Variants in TAFA5 observed in about 807,000 individuals in gnomAD.
TAFA5 encodes chemokine-like protein TAFA-5.
In TAFA5, 6 loss-of-function variants were observed where a neutral mutation model predicts 15.3. That is an observed-to-expected ratio of 0.39 (90% CI 0.21 to 0.77). The LOEUF (loss-of-function observed/expected upper bound fraction) is 0.77, where lower values mean the gene tolerates loss of function less well. Among genes scored for constraint, TAFA5 ranks in the 30% least tolerant of loss-of-function variants. The pLI is 0.41. For missense variants in TAFA5, 161 were observed against 193.1 expected (o/e 0.83, Z 0.98); for synonymous variants, 103 against 80.7 (o/e 1.28, Z -1.48).
chr22:48,547,957 C>T (rs756774327), intron 1 of TAFA5, among the ~76,000 whole-genome samples: 2 of 152,204 alleles, frequency 1.3e-5, no homozygotes, highest in Non-Finnish European at 2.9e-5. Context: ...AGAACCTACC[C>T]TCGAGCCCTG....
At position 48,564,259 on chromosome 22, in the gene TAFA5, C is replaced by T. The variant is rs192404093; in HGVS notation, c.112+74555C>T. On this transcript the variant is annotated intron_variant, in intron 1 of 3. Coordinates refer to ENST00000402357, the MANE Select transcript of TAFA5 (RefSeq NM_001082967.3). ...CAGGAAGCTTGTGGCGGAACAGGGA[C>T]GCTCCAGGTTGCGCGGATGGGAGGC... is the stretch of plus-strand genomic sequence containing the variant. Among the ~76,000 whole-genome samples the T allele has an allele frequency of 6.6e-5, 10 of 152,240 alleles. No individual in the cohort carries two copies. In the South Asian group the frequency reaches 8.3e-4, roughly 13 times the overall value.
intron 1 of TAFA5, among the ~76,000 whole-genome samples, chr22:48,610,069 T>C (rs1925341787): frequency 6.6e-6 from 1 of 152,136 alleles, no homozygotes. Context: ...GGGGTCAAAA[T>C]TGAACCCATA....
intron 1 of TAFA5, among the ~76,000 whole-genome samples, chr22:48,525,859 C>T (rs989167759): frequency 3.9e-4 from 60 of 152,338 alleles, no homozygotes; most frequent in African/African-American, 1.1e-3. Context: ...CCTGCAGAGG[C>T]GTGGAGATGT....
intron 1 of TAFA5, among the ~76,000 whole-genome samples, chr22:48,572,604 G>C (rs1220024983): frequency 6.6e-6 from 1 of 152,092 alleles, no homozygotes; most frequent in African/African-American, 2.4e-5. Flanking sequence ...CAGGTTCCTG[G>C]CTTTTTTTGT....
At chr22:48,624,015 C>T (rs1462129273) in intron 1 of TAFA5, among the ~76,000 whole-genome samples, 5 of 152,106 alleles carry the variant, frequency 3.3e-5, no homozygotes, top group Non-Finnish European at 5.9e-5. Flanking sequence ...CTTTTTCTTT[C>T]TGAGATCCCA....
At chr22:48,555,424 C>T (rs2147128913) in intron 1 of TAFA5, among the ~76,000 whole-genome samples, 1 of 152,338 alleles carries the variant, frequency 6.6e-6, no homozygotes, top group East Asian at 1.9e-4. Context: ...AGGGCGGCTG[C>T]TCCCTGATGG....
chr22:48,651,310 C>T (rs758018406), intron 2 of TAFA5, among the ~76,000 whole-genome samples: 1 of 152,176 alleles, frequency 6.6e-6, no homozygotes, highest in Non-Finnish European at 1.5e-5. Flanking sequence ...CATGGCACAG[C>T]GCAGACCCAT....
chr22:48,703,538 C>T (rs1425290041), intron 2 of TAFA5, among the ~76,000 whole-genome samples: 1 of 152,260 alleles, frequency 6.6e-6, no homozygotes, highest in Non-Finnish European at 1.5e-5. Flanking sequence ...GCTCTGGTGG[C>T]TTGCATCCTA....
chr22:48,534,255 A>G (rs1462621509), intron 1 of TAFA5, among the ~76,000 whole-genome samples: 4 of 150,602 alleles, frequency 2.7e-5, no homozygotes, highest in African/African-American at 9.8e-5. Flanking sequence ...GAAATGAGTA[A>G]GTCAGGTGAG....
At chr22:48,706,845 A>G (rs904743170) in intron 2 of TAFA5, among the ~76,000 whole-genome samples, 1 of 152,232 alleles carries the variant, frequency 6.6e-6, no homozygotes, top group South Asian at 2.1e-4. Context: ...TGTTAATACA[A>G]TCAGCTTTTA....
intron 2 of TAFA5, among the ~76,000 whole-genome samples, chr22:48,668,937 C>G (rs1340336106): frequency 6.6e-6 from 1 of 152,226 alleles, no homozygotes; most frequent in Non-Finnish European, 1.5e-5. Context: ...TTGCCATGGT[C>G]CCAGTGCTGG....
intron 1 of TAFA5, chr22:48,576,297 C>A (rs1014041440): frequency 1.6e-5 from 18 of 1,156,752 alleles, no homozygotes; most frequent in Admixed American, 9.2e-5. Context: ...TCCCCTCCCC[C>A]CTGCCCAGAA....
At chr22:48,576,586 G>C in intron 1 of TAFA5, 1 of 1,446,902 alleles carries the variant, frequency 6.9e-7, no homozygotes, top group South Asian at 1.5e-5. Flanking sequence ...TTGTCCCCGG[G>C]CGCGCGGACC....
chr22:48,674,377 A>G (rs6010579), intron 2 of TAFA5, among the ~76,000 whole-genome samples: 19,339 of 152,132 alleles, frequency 0.13, 2,371 homozygotes, highest in African/African-American at 0.32. Context: ...ATGCCTGTCC[A>G]TGGTTTGGCT....
At position 48,560,677 on chromosome 22, in the gene TAFA5, C is replaced by G. The variant is rs1014716177; in HGVS notation, c.112+70973C>G. Among the ~76,000 whole-genome samples, 1 of 151,660 alleles carries G rather than the reference C, an allele frequency of 6.6e-6. No homozygotes were observed. Among genetic ancestry groups the G allele is most frequent in the African/African-American group, 2.4e-5 (1 of 41,256 alleles). On this transcript the variant is annotated intron_variant, in intron 1 of 3. Transcript: ENST00000402357. This position sits in a 1 kb window ranked among gnomAD's most constrained non-coding sequence, Gnocchi z 4.2. ...CAGGCGGGAGTGCAGTGGTGCTATTCGGCTCACTGCATCCTCTGCCTCCCG... is the reference window on the plus strand; with the variant it reads ...CAGGCGGGAGTGCAGTGGTGCTATTGGGCTCACTGCATCCTCTGCCTCCCG...
chr22:48,690,228 C>A (rs1928495924), intron 2 of TAFA5, among the ~76,000 whole-genome samples: 1 of 152,196 alleles, frequency 6.6e-6, no homozygotes, highest in Non-Finnish European at 1.5e-5. Context: ...TCTCCCACCC[C>A]ATCTCCTTGT....
In TAFA5 at chr22:48,712,149, C is replaced by G. The variant is rs771289493; in HGVS notation, c.390+4305C>G. On this transcript the variant is annotated intron_variant, in intron 3 of 3. Transcript: ENST00000402357. ...TTGGCTCACTGCAACCTCCACCTCC[C>G]GAGTTCAAGTGATTCTCCTGCCTCA... Among the ~76,000 whole-genome samples, 107 of 152,340 alleles carry G rather than the reference C, an allele frequency of 7.0e-4. 4 individuals carry two copies. The highest frequency in any genetic ancestry group is 3.4e-3 in the Middle Eastern group (1 of 294).
At chr22:48,617,580 G>C (rs1193002704) in intron 1 of TAFA5, among the ~76,000 whole-genome samples, 3 of 152,240 alleles carry the variant, frequency 2.0e-5, no homozygotes, top group Non-Finnish European at 2.9e-5. Flanking sequence ...TGTCCTCACT[G>C]TCGTCACCTC....
intron 1 of TAFA5, among the ~76,000 whole-genome samples, chr22:48,619,436 A>G (rs188861432): frequency 5.3e-4 from 80 of 152,176 alleles, no homozygotes; most frequent in African/African-American, 1.9e-3. Context: ...GCTTACTGCA[A>G]CCTCCGCCTC....
Sources: allele counts gnomAD v4.1 joint callset (sites outside exome capture counted in the v4.1 genomes callset), GRCh38; gene constraint gnomAD v4.1.1; non-coding constraint Gnocchi (gnomAD v3.1); transcripts MANE v1.5; gene names NCBI Gene and HGNC (gene_info 2026-07-23, HGNC 2026-07-21).